The following OR51Q1 variants were observed in gnomAD, a reference collection of about 807,000 sequenced individuals.
OR51Q1 encodes the protein olfactory receptor family 51 subfamily Q member 1.
For synonymous variants in OR51Q1, 187 were observed against 151.7 expected, an observed-to-expected ratio of 1.23 and a Z score of -1.71; for missense variants, 501 against 397.1, an observed-to-expected ratio of 1.26 and a Z score of -2.22.
rs768441462 is a variant in OR51Q1, at chr11:5,422,658, G to T, written c.458G>T (p.Cys153Phe). 62 of 1,613,886 alleles carry T rather than the reference G, an allele frequency of 3.8e-5. No individual in the cohort carries two copies. The highest frequency in any genetic ancestry group is 6.7e-5 in the Admixed American group (4 of 59,990). ...AGAACTGGGTTAGCCATCATTTGCT[G>T]CTGTGTTCTGGCGGTTCTTCCCTCC... ...IGRTGLAIICCCVLAVLPSLF... is the reference protein window; with the variant it reads ...IGRTGLAIICFCVLAVLPSLF... Residue 153 changes from cysteine to phenylalanine, a missense_variant, in exon 1 of 1, where the codon TGC (cysteine) becomes TTC (phenylalanine). Coordinates refer to ENST00000300778, the MANE Select transcript of OR51Q1 (RefSeq NM_001004757.2).
rs750405873 is a variant in OR51Q1, at chr11:5,422,913, G to T, written c.713G>T (p.Arg238Leu). 4 of 1,613,966 alleles carry T rather than the reference G, an allele frequency of 2.5e-6. No homozygotes were observed. In the South Asian group the frequency reaches 4.4e-5, roughly 18 times the overall value. ...ACAGCCACCTGGGCTGAGCGACTCC[G>T]TGCCCTCAATAACTGCCTGTCCCAC... ...LGTATWAERLRALNNCLSHIL... is the reference protein window; with the variant it reads ...LGTATWAERLLALNNCLSHIL... Residue 238 changes from arginine (R) to leucine (L), a missense_variant, in exon 1 of 1, where the codon CGT becomes CTT. Arg to Leu is a moderately radical substitution (Grantham distance 102). Coordinates refer to ENST00000300778, the MANE Select transcript of OR51Q1 (RefSeq NM_001004757.2).
chr11:5,423,093 A>C lies in OR51Q1; in HGVS notation c.893A>C (p.Asn298Thr). The C allele has an allele frequency of 6.2e-7, 1 of 1,613,080 alleles. No individual in the cohort carries two copies. Among genetic ancestry groups the C allele is most frequent in the Non-Finnish European group, 8.5e-7 (1 of 1,179,286 alleles). ...VMNPIIYSVKNKQIQWGMLNF... is the reference protein window; with the variant it reads ...VMNPIIYSVKTKQIQWGMLNF... ...AACCCCATCATTTACAGTGTAAAGA[A>C]CAAGCAGATCCAATGGGGAATGTTA... Residue 298 changes from asparagine to threonine, a missense_variant, in exon 1 of 1, where the codon AAC (asparagine) becomes ACC (threonine). Transcript: ENST00000300778.
rs1418476373 is a variant in OR51Q1, at chr11:5,423,047, C to T, written c.847C>T (p.Leu283=). 1 of 1,614,104 alleles carries T rather than the reference C, an allele frequency of 6.2e-7. No individual in the cohort carries two copies. The highest frequency in any genetic ancestry group is 2.2e-5 in the East Asian group (1 of 44,862). Residue 283 remains leucine (L), a synonymous_variant, in exon 1 of 1, where the codon CTG becomes TTG. Coordinates refer to ENST00000300778, the MANE Select transcript of OR51Q1 (RefSeq NM_001004757.2). ...LVHVIMANIY[L]LAPPVMNPII... ...CCATGTTATCATGGCCAATATCTAC[C>T]TGCTGGCACCCCCGGTGATGAACCC...
rs149331026 is a variant in OR51Q1, at chr11:5,422,755, T to C, written c.555T>C (p.Asp185=). 8 of 1,614,178 alleles carry C rather than the reference T, an allele frequency of 5.0e-6. No homozygotes were observed. The highest frequency in any genetic ancestry group is 2.2e-5 in the East Asian group (1 of 44,876). The change falls in exon 1 of 1, where the codon GAT becomes GAC. Residue 185 remains aspartate, a synonymous_variant. Transcript: ENST00000300778. ...LLSRSYCLHQ[D]MIRLVCADIR... is the part of the protein sequence containing the mutation. ...CTCGCTCCTATTGCCTCCACCAGGA[T>C]ATGATCCGCCTGGTCTGTGCTGACA...
In OR51Q1 at chr11:5,422,386, T is replaced by C. The variant is rs1041823434; in HGVS notation, c.186T>C (p.Tyr62=). The change falls in exon 1 of 1, where the codon TAT becomes TAC. Residue 62 remains tyrosine (Y), a synonymous_variant. Coordinates refer to ENST00000300778, the MANE Select transcript of OR51Q1 (RefSeq NM_001004757.2). ...RTEPSVHQRM[Y]LFLSMLALTD... is the part of the protein sequence containing the mutation. ...AGCCATCTGTCCACCAGCGCATGTA[T>C]CTGTTTCTCTCCATGCTGGCCCTGA... 5 of 1,614,150 alleles carry C rather than the reference T, an allele frequency of 3.1e-6. No homozygotes were observed. The highest frequency in any genetic ancestry group is 1.3e-5 in the African/African-American group (1 of 75,046).
chr11:5,423,133 C>G lies in OR51Q1; in HGVS notation c.933C>G (p.Leu311=). The change falls in exon 1 of 1, where the codon CTC becomes CTG. Residue 311 remains leucine, a synonymous_variant. Coordinates refer to ENST00000300778, the MANE Select transcript of OR51Q1 (RefSeq NM_001004757.2). ...IQWGMLNFLS[L]KNMHSR is the part of the protein sequence containing the mutation. The stretch of plus-strand genomic sequence containing the variant: ...GGGGAATGTTAAATTTCCTTTCCCT[C>G]AAAAATATGCATTCAAGATGAGGGA... The G allele has an allele frequency of 5.6e-6, 9 of 1,597,190 alleles. No homozygotes were observed. The highest frequency in any genetic ancestry group is 1.1e-5 in the South Asian group (1 of 89,548).
Position 5,423,144 on chromosome 11 carries a change from AT to A in OR51Q1, c.946del (p.Ser316GlnfsTer11). The A allele has an allele frequency of 6.3e-7, 1 of 1,593,022 alleles. No homozygotes were observed. The highest frequency in any genetic ancestry group is 8.6e-7 in the Non-Finnish European group (1 of 1,165,102). On this transcript the variant is annotated frameshift_variant, in exon 1 of 1. Coordinates refer to ENST00000300778, the MANE Select transcript of OR51Q1 (RefSeq NM_001004757.2). LOFTEE classifies it high-confidence loss of function. ...AATTTCCTTTCCCTCAAAAATATGC[AT>A]TCAAGATGAGGGAATGCATTTCTTA... ...MLNFLSLKNMHSR is the reference protein window; with the variant it reads ...MLNFLSLKNMXSR
rs1450859131 is a variant in OR51Q1, at chr11:5,422,142, C to G, written c.-59C>G. ...TAAATGGGGCAAAGAGATATTATTT[C>G]TAATGTTTCTTTTTCTCCCTGAGTG... On this transcript the variant is annotated 5_prime_UTR_variant, in exon 1 of 1. Transcript: ENST00000300778. The G allele has an allele frequency of 1.3e-5, 16 of 1,276,698 alleles. No individual in the cohort carries two copies. In the East Asian group the frequency reaches 3.0e-4, roughly 24 times the overall value. The allele number at this position is 1,276,698 out of a possible 1,614,324, so 79.1% of individuals were successfully genotyped here. A position where few individuals can be genotyped will look rare whatever the true frequency, so the allele number is the denominator to read the frequency against.
Position 5,422,892 on chromosome 11 carries a change from C to T in OR51Q1, c.692C>T (p.Ala231Val), listed in dbSNP as rs150281365. 5 of 1,613,940 alleles carry T rather than the reference C, an allele frequency of 3.1e-6. No individual in the cohort carries two copies. Among genetic ancestry groups the T allele is most frequent in the Middle Eastern group, 1.6e-4 (1 of 6,084 alleles). ...TLILKNILGT[A>V]TWAERLRALN... is the part of the protein sequence containing the mutation. Reference sequence around the variant, plus strand: ...ATTCTGAAAAATATCTTGGGCACAGCCACCTGGGCTGAGCGACTCCGTGCC... The same window carrying T: ...ATTCTGAAAAATATCTTGGGCACAGTCACCTGGGCTGAGCGACTCCGTGCC... Residue 231 changes from alanine to valine, a missense_variant, in exon 1 of 1, where the codon GCC becomes GTC. Coordinates refer to ENST00000300778, the MANE Select transcript of OR51Q1 (RefSeq NM_001004757.2).
At position 5,422,831 on chromosome 11, in the gene OR51Q1, G is replaced by T; in HGVS notation, c.631G>T (p.Val211Leu). ...GFALALLIII[V>L]DPLLIVISYT... ...TGCTCTTGCCTTGCTCATTATTATC[G>T]TGGATCCTCTGCTCATTGTGATCTC... Residue 211 changes from valine to leucine, a missense_variant, in exon 1 of 1, where the codon GTG becomes TTG. Val to Leu is a conservative substitution (Grantham distance 32). Coordinates refer to ENST00000300778, the MANE Select transcript of OR51Q1 (RefSeq NM_001004757.2). 4 of 1,613,776 alleles carry T rather than the reference G, an allele frequency of 2.5e-6. No homozygotes were observed. Among genetic ancestry groups the T allele is most frequent in the Non-Finnish European group, 2.5e-6 (3 of 1,179,942 alleles).
chr11:5,422,794 CTGGTA>C lies in OR51Q1; in HGVS notation c.598_602del (p.Tyr200IlefsTer34). On this transcript the variant is annotated frameshift_variant, in exon 1 of 1. Transcript: ENST00000300778. LOFTEE classifies it low-confidence loss of function (END_TRUNC). ...TCTGTGCTGACATCAGGCTCAACAG[CTGGTA>C]TGGATTTGCTCTTGCCTTGCTCATT... 3 of 1,614,156 alleles carry C rather than the reference CTGGTA, an allele frequency of 1.9e-6. No homozygotes were observed. Among genetic ancestry groups the C allele is most frequent in the Non-Finnish European group, 2.5e-6 (3 of 1,180,004 alleles).
rs758701076 is a variant in OR51Q1, at chr11:5,422,475, G to C, written c.275G>C (p.Arg92Pro). ...TVMQLLWFNV[R>P]RISSEACFAQ... ...ATGCAGCTTCTCTGGTTCAACGTTC[G>C]TAGAATCAGCTCTGAGGCCTGTTTT... Residue 92 changes from arginine (R) to proline (P), a missense_variant, in exon 1 of 1, where the codon CGT becomes CCT. Transcript: ENST00000300778. The C allele has an allele frequency of 2.4e-5, 39 of 1,614,036 alleles. No homozygotes were observed. Among genetic ancestry groups the C allele is most frequent in the Non-Finnish European group, 3.0e-5 (35 of 1,180,032 alleles).
In OR51Q1 at chr11:5,422,383, G is replaced by T. The variant is rs184535881; in HGVS notation, c.183G>T (p.Met61Ile). The T allele has an allele frequency of 8.1e-6, 13 of 1,614,178 alleles. No individual in the cohort carries two copies. Among genetic ancestry groups the T allele is most frequent in the Admixed American group, 5.0e-5 (3 of 60,024 alleles). The change falls in exon 1 of 1, where the codon ATG (methionine) becomes ATT (isoleucine). Residue 61 changes from methionine (M) to isoleucine (I), a missense_variant. Transcript: ENST00000300778. ...IRTEPSVHQR[M>I]YLFLSMLALT... ...CAGAGCCATCTGTCCACCAGCGCATGTATCTGTTTCTCTCCATGCTGGCCC... is the reference window on the plus strand; with the variant it reads ...CAGAGCCATCTGTCCACCAGCGCATTTATCTGTTTCTCTCCATGCTGGCCC...
Position 5,423,124 on chromosome 11 carries a change from CCTTT to C in OR51Q1, c.926_929del (p.Leu309ProfsTer17). 1 of 1,600,138 alleles carries C rather than the reference CCTTT, an allele frequency of 6.2e-7. No individual in the cohort carries two copies. Among genetic ancestry groups the C allele is most frequent in the Non-Finnish European group, 8.5e-7 (1 of 1,169,602 alleles). On this transcript the variant is annotated frameshift_variant, in exon 1 of 1. Coordinates refer to ENST00000300778, the MANE Select transcript of OR51Q1 (RefSeq NM_001004757.2). LOFTEE classifies it low-confidence loss of function (END_TRUNC). ...AGATCCAATGGGGAATGTTAAATTT[CCTTT>C]CCCTCAAAAATATGCATTCAAGATG...
rs755829195 is a variant in OR51Q1 at position 5,422,837 on chromosome 11, C to A, written c.637C>A (p.Pro213Thr). 6.2e-7 allele frequency: 1 copy of A among 1,614,130 alleles called. No homozygotes were observed. Among genetic ancestry groups the A allele is most frequent in the Non-Finnish European group, 8.5e-7 (1 of 1,180,016 alleles). Residue 213 changes from proline (P) to threonine (T), a missense_variant, in exon 1 of 1, where the codon CCT (proline) becomes ACT (threonine). Transcript: ENST00000300778. ...ALALLIIIVD[P>T]LLIVISYTLI... ...TGCCTTGCTCATTATTATCGTGGAT[C>A]CTCTGCTCATTGTGATCTCCTATAC...
At position 5,423,083 on chromosome 11, in the gene OR51Q1, A is replaced by T. The variant is rs1340364555; in HGVS notation, c.883A>T (p.Ser295Cys). Residue 295 changes from serine (S) to cysteine (C), a missense_variant, in exon 1 of 1, where the codon AGT (serine) becomes TGT (cysteine). Transcript: ENST00000300778. ...CCCGGTGATGAACCCCATCATTTACAGTGTAAAGAACAAGCAGATCCAATG... is the reference window on the plus strand; with the variant it reads ...CCCGGTGATGAACCCCATCATTTACTGTGTAAAGAACAAGCAGATCCAATG... Reference protein sequence around the residue: ...APPVMNPIIYSVKNKQIQWGM... With the variant: ...APPVMNPIIYCVKNKQIQWGM... The T allele has an allele frequency of 1.9e-6, 3 of 1,614,046 alleles. No homozygotes were observed. The South Asian group carries it at 3.3e-5, about 18-fold the overall frequency.
chr11:5,422,358 C>T lies in OR51Q1; in HGVS notation c.158C>T (p.Thr53Ile). The change falls in exon 1 of 1, where the codon ACA becomes ATA. Residue 53 changes from threonine (T) to isoleucine (I), a missense_variant. Coordinates refer to ENST00000300778, the MANE Select transcript of OR51Q1 (RefSeq NM_001004757.2). ...GNTTILTVIRTEPSVHQRMYL... is the reference protein window; with the variant it reads ...GNTTILTVIRIEPSVHQRMYL... ...ACCACCATCCTCACTGTCATTCGCACAGAGCCATCTGTCCACCAGCGCATG... is the reference window on the plus strand; with the variant it reads ...ACCACCATCCTCACTGTCATTCGCATAGAGCCATCTGTCCACCAGCGCATG... 1 of 1,614,172 alleles carries T rather than the reference C, an allele frequency of 6.2e-7. No homozygotes were observed. The highest frequency in any genetic ancestry group is 1.3e-5 in the African/African-American group (1 of 75,028).
Position 5,422,389 on chromosome 11 carries a change from G to A in OR51Q1, c.189G>A (p.Leu63=). The A allele has an allele frequency of 6.2e-7, 1 of 1,614,134 alleles. No individual in the cohort carries two copies. Among genetic ancestry groups the A allele is most frequent in the Non-Finnish European group, 8.5e-7 (1 of 1,180,034 alleles). ...TEPSVHQRMY[L]FLSMLALTDL... ...CATCTGTCCACCAGCGCATGTATCT[G>A]TTTCTCTCCATGCTGGCCCTGACGG... The change falls in exon 1 of 1, where the codon CTG becomes CTA. Residue 63 remains leucine, a synonymous_variant. Transcript: ENST00000300778.
rs761882895 is a variant in OR51Q1, at chr11:5,422,587, C to T, written c.387C>T (p.Cys129=). The T allele has an allele frequency of 7.4e-6, 12 of 1,614,152 alleles. 1 individual carries two copies. The South Asian group carries it at 9.9e-5, about 13-fold the overall frequency. ...AMSVDCYVAI[C]CPLHYASILT... ...CCGTTGACTGCTATGTGGCCATCTG[C>T]TGTCCCCTCCATTATGCCTCCATCC... is the stretch of plus-strand genomic sequence containing the variant. Residue 129 remains cysteine, a synonymous_variant, in exon 1 of 1, where the codon TGC becomes TGT. Transcript: ENST00000300778.
Sources: gnomAD v4.1 joint callset for allele counts on GRCh38, gnomAD v4.1.1 for gene constraint, MANE v1.5 for transcripts, NCBI Gene and HGNC (gene_info 2026-07-23, HGNC 2026-07-21) for gene names.